The following GPHN variants were observed in gnomAD, a reference collection of about 807,000 sequenced individuals.
GPHN encodes the protein gephyrin.
A neutral mutation model predicts 95.5 loss-of-function variants in GPHN; 17 were observed. The ratio of observed to expected loss-of-function variants is 0.18; its 90% CI spans 0.12 to 0.27. The LOEUF (loss-of-function observed/expected upper bound fraction) is 0.27, where lower values mean the gene tolerates loss of function less well. Among genes scored for constraint, GPHN ranks in the 10% least tolerant of loss-of-function variants. The probability of loss-of-function intolerance (pLI) is 1.00; values close to 1 mark genes in which losing one functional copy is unlikely to be tolerated. For synonymous variants in GPHN, 320 were observed against 322.5 expected, an observed-to-expected ratio of 0.99 and a Z score of 0.08; for missense variants, 660 against 978.1, an observed-to-expected ratio of 0.67 and a Z score of 4.34.
At chr14:67,515,056 G>A in the GPHN span, 1 of 152,358 alleles carries the variant, frequency 6.6e-6, no homozygotes, top group South Asian at 2.1e-4. Flanking sequence ...GCGGCGGAAA[G>A]GCCTCTCTGC....
chr14:66,903,902 A>G (rs1052657495), intron 5 of GPHN, among the ~76,000 whole-genome samples: 4 of 152,178 alleles, frequency 2.6e-5, no homozygotes, highest in African/African-American at 9.6e-5. Context: ...GATCACAGAA[A>G]TGGGAACAGA....
chr14:67,019,122 G>A (rs990657255), intron 9 of GPHN, among the ~76,000 whole-genome samples: 2 of 152,174 alleles, frequency 1.3e-5, no homozygotes, highest in Admixed American at 1.3e-4. Flanking sequence ...GCCTATTATT[G>A]ACAGGAATAG....
chr14:67,023,475 T>C (rs1427228766), intron 9 of GPHN, among the ~76,000 whole-genome samples, 158 bp from the exon 10 acceptor site: 1 of 152,126 alleles, frequency 6.6e-6, no homozygotes, highest in African/African-American at 2.4e-5. Flanking sequence ...AGAAAAAAGA[T>C]GAAACAAGTA....
rs560077159 is a variant in GPHN, at chr14:66,864,220, A to G, written c.295-15719A>G. 2.4e-3 allele frequency among the ~76,000 whole-genome samples: 365 copies of G among 152,316 alleles called. 4 individuals carry two copies. Among genetic ancestry groups the G allele is most frequent in the African/African-American group, 8.3e-3 (344 of 41,584 alleles). On this transcript the variant is annotated intron_variant, in intron 4 of 22. Coordinates refer to ENST00000478722, the MANE Select transcript of GPHN (RefSeq NM_020806.5). Reference sequence around the variant, plus strand: ...CAAACAGGACTATGAAAAGATACTCAGCATCATTGATTATCAGAGAACTAC... The same window carrying G: ...CAAACAGGACTATGAAAAGATACTCGGCATCATTGATTATCAGAGAACTAC...
At chr14:66,728,776 C>T (rs1006217394) in intron 2 of GPHN, among the ~76,000 whole-genome samples, 6 of 152,104 alleles carry the variant, frequency 3.9e-5, no homozygotes, top group African/African-American at 1.4e-4. Flanking sequence ...AGACTTTGGG[C>T]TGTGAACTTT....
chr14:67,225,906 T>C, the GPHN span, among the ~76,000 whole-genome samples: 1 of 149,836 alleles, frequency 6.7e-6, no homozygotes, highest in Non-Finnish European at 1.5e-5. Flanking sequence ...TGTTGCCTCC[T>C]TCATAAAGCT....
At chr14:66,535,215 A>T (rs2059097517) in intron 1 of GPHN, among the ~76,000 whole-genome samples, 1 of 151,922 alleles carries the variant, frequency 6.6e-6, no homozygotes, top group Non-Finnish European at 1.5e-5. Context: ...TATTCAATTG[A>T]TTTGGCCCCA....
the GPHN span, among the ~76,000 whole-genome samples, chr14:67,374,170 C>A: frequency 6.6e-6 from 1 of 152,120 alleles, no homozygotes; most frequent in Non-Finnish European, 1.5e-5. Context: ...CAACATGACA[C>A]TCAAAGGAAA....
At chr14:66,771,830 GTTTT>G (rs1311389417) in intron 2 of GPHN, among the ~76,000 whole-genome samples, 1 of 149,262 alleles carries the variant, frequency 6.7e-6, no homozygotes, top group Non-Finnish European at 1.5e-5. Context: ...GCGGTGTTTG[GTTTT>G]TTGATTGGGT....
chr14:67,089,012 G>T lies in GPHN; in HGVS notation c.1174G>T (p.Val392Leu). Residue 392 changes from valine to leucine, a missense_variant, in exon 12 of 23, where the codon GTA (valine) becomes TTA (leucine). Val to Leu is a conservative substitution (Grantham distance 32). Transcript: ENST00000478722. ...DGMGRVLAQDVYAKDNLPPFP... is the reference protein window; with the variant it reads ...DGMGRVLAQDLYAKDNLPPFP... ...AATGGGGCGAGTCCTTGCTCAAGATGTATATGCAAAAGACAATTTACCCCC... is the reference window on the plus strand; with the variant it reads ...AATGGGGCGAGTCCTTGCTCAAGATTTATATGCAAAAGACAATTTACCCCC... 1 of 1,598,062 alleles carries T rather than the reference G, an allele frequency of 6.3e-7. No homozygotes were observed.
the GPHN span, among the ~76,000 whole-genome samples, chr14:67,193,370 TATATATCTAG>T: frequency 0.015 from 2,090 of 139,540 alleles, 31 homozygotes; most frequent in Non-Finnish European, 0.023. Context: ...ATAATCTATC[TATATATCTAG>T]ATATATCTAG....
the GPHN span, among the ~76,000 whole-genome samples, chr14:67,310,087 T>C: frequency 6.6e-6 from 1 of 151,816 alleles, no homozygotes; most frequent in Non-Finnish European, 1.5e-5. Flanking sequence ...AGAAAACATA[T>C]TTCTAGATAA....
chr14:66,652,599 A>G (rs913315343), intron 1 of GPHN, among the ~76,000 whole-genome samples: 1 of 152,016 alleles, frequency 6.6e-6, no homozygotes, highest in Non-Finnish European at 1.5e-5. Context: ...TTAATATTCT[A>G]AAGCTATACA....
intron 1 of GPHN, among the ~76,000 whole-genome samples, chr14:66,559,965 T>C (rs1255439363): frequency 3.1e-4 from 47 of 151,624 alleles, no homozygotes; most frequent in South Asian, 2.5e-3. Flanking sequence ...TATGGCTAGC[T>C]AGTTTTCCCA....
At chr14:66,645,987 A>G (rs1462352453) in intron 1 of GPHN, among the ~76,000 whole-genome samples, 3 of 152,148 alleles carry the variant, frequency 2.0e-5, no homozygotes, top group Non-Finnish European at 4.4e-5. Flanking sequence ...CCATTGCTCC[A>G]GGTCACTTCT....
chr14:66,561,355 A>C (rs1363451334), intron 1 of GPHN, among the ~76,000 whole-genome samples: 4 of 152,132 alleles, frequency 2.6e-5, no homozygotes, highest in Admixed American at 6.6e-5. Context: ...AATTCGGCTG[A>C]ATCCATCTGG....
chr14:67,582,284 A>C, the GPHN span: 1 of 1,606,810 alleles, frequency 6.2e-7, no homozygotes, highest in Non-Finnish European at 8.5e-7. This position sits in a 1 kb window ranked among gnomAD's most constrained non-coding sequence, Gnocchi z 5.0. Context: ...CCTGAAACAC[A>C]GGAGAGATTC....
the GPHN span, chr14:67,592,735 CA>C: frequency 6.9e-7 from 1 of 1,448,746 alleles, no homozygotes. Context: ...GAAAATAAAT[CA>C]AATAGCAAAG....
At chr14:67,399,983 C>G in the GPHN span, among the ~76,000 whole-genome samples, 2 of 152,188 alleles carry the variant, frequency 1.3e-5, no homozygotes, top group East Asian at 1.9e-4. Flanking sequence ...AATCAAAGTC[C>G]GTTGCCCCAA....
Sources: gnomAD v4.1 joint callset for allele counts (sites outside exome capture counted in the v4.1 genomes callset) on GRCh38, gnomAD v4.1.1 for gene constraint, Gnocchi (gnomAD v3.1) non-coding constraint, MANE v1.5 for transcripts, NCBI Gene and HGNC (gene_info 2026-07-23, HGNC 2026-07-21) for gene names.